Variants in FAM161B observed in about 807,000 individuals in gnomAD.
FAM161B encodes FAM161 centrosomal protein B.
FAM161B carries 46 observed loss-of-function variants against 61.5 expected under a neutral mutation model. The observed-to-expected ratio is 0.75, with a 90% CI of 0.59 to 0.96. The LOEUF is 0.96. FAM161B is among the 40% of genes least tolerant of loss of function. FAM161B has a pLI of 0.00. For missense variants in FAM161B, 774 were observed against 800.7 expected (o/e 0.97, Z 0.40); for synonymous variants, 284 against 302.7 (o/e 0.94, Z 0.64).
downstream of FAM161B, among the ~76,000 whole-genome samples, chr14:73,928,438 A>T (rs563649544): frequency 2.6e-5 from 4 of 152,320 alleles, no homozygotes; most frequent in South Asian, 8.3e-4. Flanking sequence ...AGGTCTTACA[A>T]GGCATGATTT....
intron 5 of FAM161B, 68 bp from the exon 6 acceptor site, chr14:73,938,180 C>G: frequency 1.3e-6 from 2 of 1,568,650 alleles, no homozygotes; most frequent in Non-Finnish European, 1.7e-6. Flanking sequence ...AATCTTAGGC[C>G]AGGTGTGGTG....
chr14:73,926,633 C>T (rs1464076936), downstream of FAM161B, among the ~76,000 whole-genome samples: 1 of 151,918 alleles, frequency 6.6e-6, no homozygotes, highest in Non-Finnish European at 1.5e-5. Context: ...CGGGCTTTTA[C>T]CATGTTGGCC....
downstream of FAM161B, chr14:73,932,247 T>G (rs1300295692): frequency 3.0e-6 from 1 of 336,910 alleles, no homozygotes. Context: ...GAGATTCAGG[T>G]TTTCCTTTAA....
chr14:73,926,521 C>A (rs1409743357), downstream of FAM161B, among the ~76,000 whole-genome samples: 1 of 152,038 alleles, frequency 6.6e-6, no homozygotes, highest in Non-Finnish European at 1.5e-5. Context: ...GCAACCTCTG[C>A]CTCCCAGGTT....
chr14:73,923,711 G>A, the FAM161B span, among the ~76,000 whole-genome samples: 4 of 152,148 alleles, frequency 2.6e-5, no homozygotes. Flanking sequence ...TTGGAGATTG[G>A]TCTGTCACAG....
intron 5 of FAM161B, among the ~76,000 whole-genome samples, chr14:73,938,913 G>C (rs1328462557): frequency 1.3e-5 from 2 of 152,148 alleles, no homozygotes; most frequent in African/African-American, 4.8e-5. Context: ...AGGATTAAAT[G>C]CACTGGCAGA....
the FAM161B span, chr14:73,923,327 C>T: frequency 1.3e-6 from 2 of 1,532,630 alleles, no homozygotes; most frequent in East Asian, 4.7e-5. Context: ...TAATGAGAGG[C>T]TTAATGATCC....
rs1367939697 is a variant in FAM161B at position 73,932,422 on chromosome 14, A to G, written c.*1834T>C. On this transcript the variant is annotated 3_prime_UTR_variant, in exon 9 of 9. Transcript: ENST00000286544. Reference sequence around the variant, plus strand: ...AGGAGTCTTAGGAAACAACAAGAACATCTTCATTTCTTAAGCCCAGGTGAT... The same window carrying G: ...AGGAGTCTTAGGAAACAACAAGAACGTCTTCATTTCTTAAGCCCAGGTGAT... 2.2e-6 allele frequency: 1 copy of G among 452,868 alleles called. No homozygotes were observed. Among genetic ancestry groups the G allele is most frequent in the Non-Finnish European group, 4.4e-6 (1 of 226,118 alleles). 28.1% of individuals were successfully genotyped at this position (452,868 alleles called of 1,614,324 possible). A position where few individuals can be genotyped will look rare whatever the true frequency, so the allele number is the denominator to read the frequency against.
In FAM161B at chr14:73,944,722, G is replaced by A. The variant is rs760681815; in HGVS notation, c.538C>T (p.Arg180Cys). The A allele has an allele frequency of 6.2e-6, 10 of 1,602,420 alleles. No individual in the cohort carries two copies. The highest frequency in any genetic ancestry group is 1.1e-5 in the South Asian group (1 of 90,054). Residue 180 changes from arginine (R) to cysteine (C), a missense_variant, in exon 3 of 9, where the codon CGC becomes TGC. Coordinates refer to ENST00000286544, the MANE Select transcript of FAM161B (RefSeq NM_152445.3). Reference protein sequence around the residue: ...TVPRPFRMTLREARKKAEWLG... With the variant: ...TVPRPFRMTLCEARKKAEWLG... The stretch of plus-strand genomic sequence containing the variant: ...CACTCGGCCTTCTTCCGGGCCTCGC[G>A]CAGCGTCATGCGGAATGGCCGAGGG...
At chr14:73,942,299 AG>A in intron 4 of FAM161B, 69 bp downstream of exon 4, 2 of 1,478,390 alleles carry the variant, frequency 1.4e-6, no homozygotes, top group Non-Finnish European at 1.8e-6. Context: ...AGTGCTTTCC[AG>A]GAAGACCTGG....
At chr14:73,944,166 T>C (rs1175999493) in intron 3 of FAM161B, among the ~76,000 whole-genome samples, 169 bp downstream of exon 3, 3 of 152,188 alleles carry the variant, frequency 2.0e-5, no homozygotes, top group Non-Finnish European at 4.4e-5. Context: ...CCTGATTGTA[T>C]AGACAGACCT....
downstream of FAM161B, among the ~76,000 whole-genome samples, chr14:73,930,696 G>A (rs561090376): frequency 6.6e-6 from 1 of 152,160 alleles, no homozygotes; most frequent in South Asian, 2.1e-4. Context: ...TTGAACTCCT[G>A]GGCTCAAGTG....
At chr14:73,949,523 T>A (rs944774438) in intron 1 of FAM161B, among the ~76,000 whole-genome samples, 1 of 150,264 alleles carries the variant, frequency 6.7e-6, no homozygotes, top group African/African-American at 2.4e-5. Context: ...TGGCCAATTT[T>A]TTTTTTTTTT....
chr14:73,939,726 A>T (rs2056001327), intron 5 of FAM161B, among the ~76,000 whole-genome samples: 1 of 152,260 alleles, frequency 6.6e-6, no homozygotes. Context: ...AACTTGTAGC[A>T]CTTAGTTTGT....
At chr14:73,925,531 A>G in the FAM161B span, among the ~76,000 whole-genome samples, 1 of 151,674 alleles carries the variant, frequency 6.6e-6, no homozygotes, top group African/African-American at 2.4e-5. Flanking sequence ...AGGTTCAAGC[A>G]ATTTTCCTGC....
chr14:73,942,458 C>T lies in FAM161B; in HGVS notation c.1183G>A (p.Ala395Thr). Residue 395 changes from alanine to threonine, a missense_variant, in exon 4 of 9, where the codon GCC (alanine) becomes ACC (threonine). Coordinates refer to ENST00000286544, the MANE Select transcript of FAM161B (RefSeq NM_152445.3). ...RAAKRRETQEATRNKPFLLRT... is the reference protein window; with the variant it reads ...RAAKRRETQETTRNKPFLLRT... ...AGCAAGAAGGGCTTGTTGCGAGTGG[C>T]CTCTTGGGTTTCTCTTCTTTTGGCT... is the stretch of plus-strand genomic sequence containing the variant. The T allele has an allele frequency of 1.9e-6, 3 of 1,614,198 alleles. No individual in the cohort carries two copies. The highest frequency in any genetic ancestry group is 2.5e-6 in the Non-Finnish European group (3 of 1,180,044).
intron 3 of FAM161B, among the ~76,000 whole-genome samples, chr14:73,943,567 C>T (rs1179954001): frequency 6.6e-6 from 1 of 152,116 alleles, no homozygotes; most frequent in African/African-American, 2.4e-5. Context: ...GCTTTCTCTC[C>T]CCTCCATGCC....
intron 1 of FAM161B, 90 bp downstream of exon 1, chr14:73,949,868 CCACGCCCCTCCGTGA>C: frequency 6.7e-7 from 1 of 1,493,608 alleles, no homozygotes; most frequent in Admixed American, 2.1e-5. Context: ...CATTTTAATC[CCACGCCCCTCCGTGA>C]CACGCCCCTG....
At chr14:73,935,831 C>T (rs2031315192) in intron 8 of FAM161B, 118 bp downstream of exon 8, 1 of 1,161,262 alleles carries the variant, frequency 8.6e-7, no homozygotes, top group Non-Finnish European at 1.2e-6. Flanking sequence ...ATTAATGTTA[C>T]ATAAATACAG....
Sources: allele counts gnomAD v4.1 joint callset (sites outside exome capture counted in the v4.1 genomes callset), GRCh38; gene constraint gnomAD v4.1.1; transcripts MANE v1.5; gene names NCBI Gene and HGNC (gene_info 2026-07-23, HGNC 2026-07-21).